NCKAP5: variants seen among roughly 807,000 people sequenced by gnomAD.
NCKAP5 encodes the protein nck-associated protein 5.
In NCKAP5, 92 loss-of-function variants were observed where a neutral mutation model predicts 167.0. The ratio of observed to expected loss-of-function variants is 0.55; its 90% confidence interval spans 0.47 to 0.66. The LOEUF is 0.66. Ranked by LOEUF, NCKAP5 falls within the 30% of genes least tolerant of loss-of-function variation. NCKAP5 has a pLI of 0.00. For missense variants in NCKAP5, 2,378 were observed against 2,315.0 expected, an observed-to-expected ratio of 1.03 and a Z score of -0.56; for synonymous variants, 891 against 877.4, an observed-to-expected ratio of 1.02 and a Z score of -0.27.
chr2:132,956,361 CCA>C (rs2076344014), intron 8 of NCKAP5, among the ~76,000 whole-genome samples: 1 of 152,104 alleles, frequency 6.6e-6, no homozygotes, highest in South Asian at 2.1e-4. Flanking sequence ...TCTGAATAAT[CCA>C]CAGAGTTTCA....
In NCKAP5 at chr2:132,857,333, A is replaced by C. The variant is rs80124327; in HGVS notation, c.807+3159T>G. Among the ~76,000 whole-genome samples, 400 of 152,290 alleles carry C rather than the reference A, an allele frequency of 2.6e-3. 1 individual carries two copies. Among genetic ancestry groups the C allele is most frequent in the African/African-American group, 9.3e-3 (386 of 41,568 alleles). On this transcript the variant is annotated intron_variant, in intron 11 of 19. Transcript: ENST00000409261. ...TACAATTTCTGGTCTCCCACAATTT[A>C]TTTTTATAGTTAGACAACTATATTT...
At chr2:133,366,278 AT>A (rs1175625635) in intron 3 of NCKAP5, among the ~76,000 whole-genome samples, 1 of 152,178 alleles carries the variant, frequency 6.6e-6, no homozygotes, top group African/African-American at 2.4e-5. Flanking sequence ...AATATTGGTG[AT>A]TTAAATCTTA....
In NCKAP5 at chr2:132,712,272, C is replaced by T. The variant is rs908446612; in HGVS notation, c.5713+13355G>A. Among the ~76,000 whole-genome samples, 4 of 152,282 alleles carry T rather than the reference C, an allele frequency of 2.6e-5. No homozygotes were observed. The East Asian group carries it at 5.8e-4, about 22-fold the overall frequency. On this transcript the variant is annotated intron_variant, in intron 19 of 19. Transcript: ENST00000409261. The stretch of plus-strand genomic sequence containing the variant: ...CAGAGAAATCCTCTTCCCCTTTATG[C>T]CCACCCAAACCTGATTCTTCAAGAC...
At chr2:133,546,677 A>C (rs1347450470) in intron 2 of NCKAP5, among the ~76,000 whole-genome samples, 2 of 152,128 alleles carry the variant, frequency 1.3e-5, no homozygotes, top group Admixed American at 1.3e-4. Flanking sequence ...AACAAAACAA[A>C]ACAAAAAAAC....
chr2:133,528,042 G>A (rs1685067022), intron 2 of NCKAP5, among the ~76,000 whole-genome samples: 1 of 152,094 alleles, frequency 6.6e-6, no homozygotes, highest in East Asian at 1.9e-4. Context: ...TCCAGCCTGG[G>A]TGACAGTAAG....
intron 6 of NCKAP5, among the ~76,000 whole-genome samples, chr2:133,104,460 C>T (rs78249516): frequency 0.061 from 9,360 of 152,256 alleles, 971 homozygotes; most frequent in African/African-American, 0.21. Flanking sequence ...TGAAGCCAGT[C>T]TGAAGTGTGG....
chr2:133,067,219 T>A (rs75333885), intron 6 of NCKAP5, among the ~76,000 whole-genome samples: 7,581 of 152,228 alleles, frequency 0.05, 298 homozygotes, highest in Non-Finnish European at 0.07. Context: ...TGCAACATCA[T>A]CATATTGTTA....
the NCKAP5 span, among the ~76,000 whole-genome samples, chr2:133,593,382 A>T: frequency 1.6e-4 from 24 of 152,120 alleles, no homozygotes; most frequent in Admixed American, 1.6e-3. Context: ...TAAAAAAAAA[A>T]AGCCAGCATA....
At chr2:133,594,029 C>T in the NCKAP5 span, among the ~76,000 whole-genome samples, 1 of 152,344 alleles carries the variant, frequency 6.6e-6, no homozygotes, top group African/African-American at 2.4e-5. Flanking sequence ...GTACTTTCTT[C>T]CCACCCAAAT....
chr2:133,583,264 G>A, the NCKAP5 span, among the ~76,000 whole-genome samples: 2 of 152,120 alleles, frequency 1.3e-5, no homozygotes, highest in African/African-American at 4.8e-5. Flanking sequence ...GTCATTCATG[G>A]ATCCCTCATG....
chr2:133,536,950 A>G (rs976326027), intron 2 of NCKAP5, among the ~76,000 whole-genome samples: 2 of 151,992 alleles, frequency 1.3e-5, no homozygotes, highest in African/African-American at 4.8e-5. Flanking sequence ...ATTTAGGTCT[A>G]TAATTCATTT....
rs113933755 is a variant in NCKAP5 at position 133,012,361 on chromosome 2, C to T, written c.342-18122G>A. 1.9e-3 allele frequency among the ~76,000 whole-genome samples: 294 copies of T among 152,272 alleles called. 1 individual carries two copies. The highest frequency in any genetic ancestry group is 6.7e-3 in the African/African-American group (278 of 41,552). On this transcript the variant is annotated intron_variant, in intron 6 of 19. Coordinates refer to ENST00000409261, the MANE Select transcript of NCKAP5 (RefSeq NM_207363.3). ...CTCCCAGGTTCCCGCCATTATCCTG[C>T]CTCAGCCTCCCTAGCAGCTGGGACT...
At chr2:132,779,932 A>G (rs991531646) in intron 15 of NCKAP5, among the ~76,000 whole-genome samples, 3 of 152,186 alleles carry the variant, frequency 2.0e-5, no homozygotes, top group African/African-American at 7.2e-5. Context: ...TCTCTTTATT[A>G]GAGTACAAAA....
the NCKAP5 span, among the ~76,000 whole-genome samples, chr2:133,657,021 T>C: frequency 6.6e-6 from 1 of 152,152 alleles, no homozygotes; most frequent in Non-Finnish European, 1.5e-5. Flanking sequence ...GAACATGCGA[T>C]GTTTGGTTTT....
chr2:133,420,580 GTA>G (rs1287945334), intron 3 of NCKAP5, among the ~76,000 whole-genome samples: 1 of 152,176 alleles, frequency 6.6e-6, no homozygotes, highest in Admixed American at 6.5e-5. Flanking sequence ...TGGGTGGAAA[GTA>G]TGTATGTAAA....
At chr2:132,933,084 G>C (rs542815677) in intron 8 of NCKAP5, among the ~76,000 whole-genome samples, 7 of 151,978 alleles carry the variant, frequency 4.6e-5, no homozygotes, top group South Asian at 4.2e-4. Context: ...GCCACCACGC[G>C]TGGCTAATAT....
In NCKAP5 at chr2:132,994,224, T is replaced by C. The variant is rs746988646; in HGVS notation, c.357A>G (p.Val119=). The C allele has an allele frequency of 6.3e-7, 1 of 1,586,052 alleles. No individual in the cohort carries two copies. The highest frequency in any genetic ancestry group is 2.3e-5 in the East Asian group (1 of 44,176). ...ATCCTTGACTCTGCAATAGATTTCG[T>C]ACTGTTTCTTCCATCCTGAGAAACA... The part of the protein sequence containing the change: ...QQQFSRMEET[V]RNLLQSQGSP... The change falls in exon 7 of 20, where the codon GTA becomes GTG. Residue 119 remains valine (V), a synonymous_variant. Coordinates refer to ENST00000409261, the MANE Select transcript of NCKAP5 (RefSeq NM_207363.3).
chr2:133,101,486 CCTTGGGCAGTATGGCCATTTTCA>C (rs1314762204), intron 6 of NCKAP5, among the ~76,000 whole-genome samples: 1 of 139,192 alleles, frequency 7.2e-6, no homozygotes, highest in East Asian at 2.1e-4. Context: ...CTGTAAATTA[CCTTGGGCAGTATGGCCATTTTCA>C]CGATATTGAT....
intron 3 of NCKAP5, among the ~76,000 whole-genome samples, chr2:133,385,774 G>T (rs965204574): frequency 7.9e-5 from 12 of 152,156 alleles, no homozygotes; most frequent in African/African-American, 2.4e-4. Flanking sequence ...GTTTAGTCTT[G>T]GGAGGGTGTA....
Sources: allele counts gnomAD v4.1 joint callset (sites outside exome capture counted in the v4.1 genomes callset), GRCh38; gene constraint gnomAD v4.1.1; transcripts MANE v1.5; gene names NCBI Gene and HGNC (gene_info 2026-07-23, HGNC 2026-07-21).